Variants in ATXN1 observed in about 807,000 individuals in gnomAD.
ATXN1 encodes the protein ataxin-1.
A neutral mutation model predicts 56.4 loss-of-function variants in ATXN1; 8 were observed. The observed-to-expected ratio is 0.14, with a 90% CI of 0.08 to 0.26. The LOEUF is 0.26. ATXN1 is among the 10% of genes least tolerant of loss of function. The pLI, the probability that ATXN1 is intolerant of heterozygous loss-of-function variation, is 1.00. For missense variants in ATXN1, 987 were observed against 1,106.5 expected, an observed-to-expected ratio of 0.89 and a Z score of 1.53; for synonymous variants, 514 against 494.6, an observed-to-expected ratio of 1.04 and a Z score of -0.52.
intron 2 of ATXN1, among the ~76,000 whole-genome samples, chr6:16,700,083 T>C (rs1031580640): frequency 4.6e-5 from 7 of 152,328 alleles, no homozygotes; most frequent in African/African-American, 1.7e-4. Flanking sequence ...TCCTTTTCAG[T>C]GACATTTTTA....
At chr6:16,501,179 T>G (rs566727507) in intron 5 of ATXN1, among the ~76,000 whole-genome samples, 24 of 152,342 alleles carry the variant, frequency 1.6e-4, no homozygotes, top group Non-Finnish European at 3.4e-4. Context: ...AAGACTCCAT[T>G]TCAGTTCTGC....
At chr6:16,684,945 C>A (rs183478079) in intron 2 of ATXN1, among the ~76,000 whole-genome samples, 2 of 151,604 alleles carry the variant, frequency 1.3e-5, no homozygotes, top group East Asian at 3.9e-4. Context: ...ATCAGAAGCA[C>A]AAGTGAGTGA....
intron 5 of ATXN1, among the ~76,000 whole-genome samples, chr6:16,498,644 C>T (rs962591191): frequency 6.6e-6 from 1 of 152,142 alleles, no homozygotes; most frequent in African/African-American, 2.4e-5. Context: ...ACAAGCTTGC[C>T]AACACTTGTT....
chr6:16,465,065 A>T (rs1760075979), intron 6 of ATXN1, among the ~76,000 whole-genome samples: 1 of 152,204 alleles, frequency 6.6e-6, no homozygotes, highest in African/African-American at 2.4e-5. Context: ...AAAGCCTATT[A>T]ATTAAAAAAC....
intron 6 of ATXN1, among the ~76,000 whole-genome samples, chr6:16,452,551 T>C (rs1759774579): frequency 6.6e-6 from 1 of 152,144 alleles, no homozygotes; most frequent in Non-Finnish European, 1.5e-5. Context: ...AAAACCAGAG[T>C]AGACCAAGTG....
chr6:16,594,065 TTA>T (rs1262825002), intron 3 of ATXN1, among the ~76,000 whole-genome samples: 1 of 149,278 alleles, frequency 6.7e-6, no homozygotes, highest in Non-Finnish European at 1.5e-5. Flanking sequence ...TTATTATATA[TTA>T]GACTAATATA....
intron 5 of ATXN1, among the ~76,000 whole-genome samples, chr6:16,518,837 G>C (rs1294349699): frequency 6.6e-6 from 1 of 152,146 alleles, no homozygotes; most frequent in Non-Finnish European, 1.5e-5. Flanking sequence ...TGGGAAAAAG[G>C]ATGATTTTGG....
At chr6:16,488,343 G>A (rs1026106551) in intron 5 of ATXN1, among the ~76,000 whole-genome samples, 14 of 152,252 alleles carry the variant, frequency 9.2e-5, no homozygotes, top group African/African-American at 3.4e-4. Context: ...TAGGACCTTG[G>A]ATCAGGTACC....
intron 6 of ATXN1, among the ~76,000 whole-genome samples, chr6:16,455,205 A>G (rs1478342897): frequency 1.3e-5 from 2 of 152,218 alleles, no homozygotes; most frequent in Non-Finnish European, 2.9e-5. Flanking sequence ...CACACAACAG[A>G]GCTGTAGAAA....
chr6:16,349,753 C>T (rs1202471894), intron 6 of ATXN1, among the ~76,000 whole-genome samples: 2 of 151,590 alleles, frequency 1.3e-5, no homozygotes, highest in African/African-American at 4.8e-5. Context: ...TTTTTTTTCC[C>T]CCTAAACTGG....
chr6:16,649,824 A>C (rs546256299), intron 3 of ATXN1, among the ~76,000 whole-genome samples: 1 of 152,352 alleles, frequency 6.6e-6, no homozygotes, highest in East Asian at 1.9e-4. Flanking sequence ...GAATGGGCTT[A>C]ACACTTGGAA....
At chr6:16,744,543 G>A (rs892092216) in intron 2 of ATXN1, among the ~76,000 whole-genome samples, 2 of 152,148 alleles carry the variant, frequency 1.3e-5, no homozygotes, top group Non-Finnish European at 2.9e-5. Flanking sequence ...GGTCAGCAAC[G>A]GAGGGTTGAG....
chr6:16,345,161 G>A (rs995996141), intron 6 of ATXN1, among the ~76,000 whole-genome samples: 2 of 152,156 alleles, frequency 1.3e-5, no homozygotes, highest in Non-Finnish European at 2.9e-5. Context: ...AACTCATTAC[G>A]GAGGGACATA....
chr6:16,315,892 G>A (rs1760496696), intron 7 of ATXN1, among the ~76,000 whole-genome samples: 1 of 152,092 alleles, frequency 6.6e-6, no homozygotes, highest in Non-Finnish European at 1.5e-5. Context: ...ATGTTGGCCT[G>A]GCTGGTTTCA....
chr6:16,563,788 C>T (rs772337694), intron 4 of ATXN1, among the ~76,000 whole-genome samples: 4 of 150,112 alleles, frequency 2.7e-5, no homozygotes, highest in East Asian at 1.9e-4. Context: ...AACTTAACAC[C>T]GGTCCATGAC....
chr6:16,517,718 A>G (rs1761211960), intron 5 of ATXN1, among the ~76,000 whole-genome samples: 1 of 152,240 alleles, frequency 6.6e-6, no homozygotes, highest in African/African-American at 2.4e-5. Flanking sequence ...GGATACAGGT[A>G]TGTAGGTGCA....
chr6:16,744,089 A>C (rs1760439796), intron 2 of ATXN1, among the ~76,000 whole-genome samples: 1 of 152,196 alleles, frequency 6.6e-6, no homozygotes, highest in Non-Finnish European at 1.5e-5. Flanking sequence ...CAGAACAACA[A>C]TACATCTAGA....
chr6:16,594,563 G>T (rs1476282420), intron 3 of ATXN1, among the ~76,000 whole-genome samples: 1 of 150,122 alleles, frequency 6.7e-6, no homozygotes, highest in Non-Finnish European at 1.5e-5. Context: ...GCTCACTACA[G>T]CCTCCACCTC....
At chr6:16,448,158 C>CT (rs1561899767) in intron 6 of ATXN1, among the ~76,000 whole-genome samples, 1 of 152,200 alleles carries the variant, frequency 6.6e-6, no homozygotes, top group Non-Finnish European at 1.5e-5. Context: ...CCCTCCTCCT[C>CT]TTTTTTCCTG....
Sources: allele counts gnomAD v4.1 joint callset (sites outside exome capture counted in the v4.1 genomes callset), GRCh38; gene constraint gnomAD v4.1.1; transcripts MANE v1.5; gene names NCBI Gene and HGNC (gene_info 2026-07-23, HGNC 2026-07-21).